Variants in PLAAT5 observed in about 807,000 individuals in gnomAD.
The protein encoded by PLAAT5 is Ca(2+)-independent N-acyltransferase.
Under a neutral mutation model 27.8 loss-of-function variants are expected in PLAAT5, and 27 were observed. That is an observed-to-expected ratio of 0.97 (90% CI 0.72 to 1.34). The LOEUF (loss-of-function observed/expected upper bound fraction) is 1.34. Ranked by LOEUF, PLAAT5 falls within the 40% of genes most tolerant of loss-of-function variation. The pLI is 0.00. For missense variants in PLAAT5, 368 were observed against 343.8 expected (o/e 1.07, Z -0.56); for synonymous variants, 125 against 136.1 (o/e 0.92, Z 0.57).
rs201212349 is a variant in PLAAT5, at chr11:63,468,357, T to C, written c.454A>G (p.Ser152Gly). 1.8e-5 allele frequency: 29 copies of C among 1,606,688 alleles called. No individual in the cohort carries two copies. Among genetic ancestry groups the C allele is most frequent in the Non-Finnish European group, 2.2e-5 (26 of 1,173,440 alleles). ...DDCVVHLAPP[S>G]EEFEVGSITS... The stretch of plus-strand genomic sequence containing the variant: ...ATTTCAATAGACTATTCACTCTTAC[T>C]TGGGGGAGCCAGATGGACCACGCAA... The change falls in exon 4 of 6, where the codon AGT becomes GGT. Residue 152 changes from serine to glycine, a missense_variant and splice_region_variant. Transcript: ENST00000540857.
Position 63,490,229 on chromosome 11 carries a change from T to A in PLAAT5, c.239+14A>T. 2 of 1,614,144 alleles carry A rather than the reference T, an allele frequency of 1.2e-6. No homozygotes were observed. The highest frequency in any genetic ancestry group is 1.7e-6 in the Non-Finnish European group (2 of 1,179,980). On this transcript the variant is annotated intron_variant, in intron 2 of 5. Coordinates refer to ENST00000540857, the MANE Select transcript of PLAAT5 (RefSeq NM_001146729.2). ...TTCTTCCACCCAAAGACCCCAACCT[T>A]ACAATCTTCTTACCCTTGCTGGATG...
Position 63,466,334 on chromosome 11 carries a change from T to C in PLAAT5, c.493A>G (p.Ser165Gly), listed in dbSNP as rs1215678277. Reference sequence around the variant, plus strand: ...CTGTATTTCACCACGGCCCGATTGCTAAAGATGGAAGTAATGCTGCCCACC... The same window carrying C: ...CTGTATTTCACCACGGCCCGATTGCCAAAGATGGAAGTAATGCTGCCCACC... ...FEVGSITSIF[S>G]NRAVVKYSRL... The change falls in exon 5 of 6, where the codon AGC becomes GGC. Residue 165 changes from serine to glycine, a missense_variant. Coordinates refer to ENST00000540857, the MANE Select transcript of PLAAT5 (RefSeq NM_001146729.2). 6.2e-7 allele frequency: 1 copy of C among 1,614,090 alleles called. No individual in the cohort carries two copies. Among genetic ancestry groups the C allele is most frequent in the South Asian group, 1.1e-5 (1 of 91,074 alleles).
chr11:63,486,731 T>A (rs2016443849), intron 3 of PLAAT5, among the ~76,000 whole-genome samples: 1 of 152,154 alleles, frequency 6.6e-6, no homozygotes, highest in South Asian at 2.1e-4. Context: ...AGGTGATGGA[T>A]GCACTAAAAT....
chr11:63,466,082 G>A, intron 5 of PLAAT5, 28 bp downstream of exon 5: 1 of 1,603,892 alleles, frequency 6.2e-7, no homozygotes, highest in Non-Finnish European at 8.5e-7. Flanking sequence ...TCTGGAAGAA[G>A]CCATCATCAG....
intron 4 of PLAAT5, 67 bp from the exon 5 acceptor site, chr11:63,466,439 C>G (rs1206486178): frequency 2.6e-6 from 4 of 1,513,736 alleles, no homozygotes; most frequent in Admixed American, 3.8e-5. Context: ...CAGTCTAAGA[C>G]TCTGAGTAAG....
chr11:63,486,944 C>T (rs759404946), intron 3 of PLAAT5, among the ~76,000 whole-genome samples: 1 of 152,204 alleles, frequency 6.6e-6, no homozygotes, highest in African/African-American at 2.4e-5. Flanking sequence ...ACCAAAGGCA[C>T]TATTCATAGA....
intron 3 of PLAAT5, among the ~76,000 whole-genome samples, chr11:63,480,624 A>G (rs1357164927): frequency 1.3e-5 from 2 of 152,154 alleles, no homozygotes; most frequent in Non-Finnish European, 2.9e-5. Flanking sequence ...GTGGAGCTTT[A>G]AAAAGTTCAG....
intron 2 of PLAAT5, 92 bp downstream of exon 2, chr11:63,490,151 C>G: frequency 6.4e-7 from 1 of 1,563,736 alleles, no homozygotes; most frequent in Non-Finnish European, 8.8e-7. Flanking sequence ...ACACAAAAAC[C>G]ACCTCTGGGT....
chr11:63,483,825 A>G (rs79161423), intron 3 of PLAAT5, among the ~76,000 whole-genome samples: 4,568 of 114,568 alleles, frequency 0.04, 508 homozygotes, highest in East Asian at 0.17. Flanking sequence ...ATATATATAT[A>G]TATATATATA....
intron 5 of PLAAT5, 66 bp from the exon 6 acceptor site, chr11:63,463,661 C>T (rs1243776107): frequency 7.9e-7 from 1 of 1,260,886 alleles, no homozygotes; most frequent in Admixed American, 1.7e-5. Context: ...CCCCTACCTC[C>T]ACCCCACCAT....
In PLAAT5 at chr11:63,484,260, G is replaced by T. The variant is rs79512667; in HGVS notation, c.345+4611C>A. ...CTTACTGAAACTATTCCAAAAGACA[G>T]AGAAAGGGGGAATGCTCCCTAAATC... On this transcript the variant is annotated intron_variant, in intron 3 of 5. Transcript: ENST00000540857. Among the ~76,000 whole-genome samples the T allele has an allele frequency of 4.7e-3, 713 of 150,402 alleles. 41 individuals are homozygous for T. The East Asian group carries it at 0.12, about 26-fold the overall frequency.
intron 5 of PLAAT5, among the ~76,000 whole-genome samples, chr11:63,465,769 G>A (rs2015844705): frequency 1.3e-5 from 2 of 152,072 alleles, no homozygotes; most frequent in Non-Finnish European, 2.9e-5. Context: ...CAGCCTAGGT[G>A]ACAGAGTGAG....
rs769553042 is a variant in PLAAT5 at position 63,466,147 on chromosome 11, A to C, written c.680T>G (p.Val227Gly). The C allele has an allele frequency of 1.2e-6, 2 of 1,614,024 alleles. No individual in the cohort carries two copies. The highest frequency in any genetic ancestry group is 2.7e-5 in the African/African-American group (2 of 74,926). ...GGGTACGCCATATCTGAGGCCATTGACAAAGTGCTCACAGTTCCCTTCAAT... is the reference window on the plus strand; with the variant it reads ...GGGTACGCCATATCTGAGGCCATTGCCAAAGTGCTCACAGTTCCCTTCAAT... The part of the protein sequence containing the change: ...SLIEGNCEHF[V>G]NGLRYGVPRS... Residue 227 changes from valine (V) to glycine (G), a missense_variant, in exon 5 of 6, where the codon GTC becomes GGC. Val to Gly is a moderately radical substitution (Grantham distance 109). Coordinates refer to ENST00000540857, the MANE Select transcript of PLAAT5 (RefSeq NM_001146729.2).
chr11:63,469,098 A>G (rs940574206), intron 3 of PLAAT5, among the ~76,000 whole-genome samples: 1 of 129,896 alleles, frequency 7.7e-6, no homozygotes, highest in Non-Finnish European at 1.6e-5. Flanking sequence ...AAACTTCTCT[A>G]TTATCGTGTG....
Position 63,461,835 on chromosome 11 carries a change from C to T in PLAAT5, c.*1668G>A, listed in dbSNP as rs1429515800. On this transcript the variant is annotated 3_prime_UTR_variant, in exon 6 of 6. Transcript: ENST00000540857. ...GGGCTCAGGCAAAGGTGGGAGTAGCCAGGGTTTGGCACTTGGGAGACACTC... is the reference window on the plus strand; with the variant it reads ...GGGCTCAGGCAAAGGTGGGAGTAGCTAGGGTTTGGCACTTGGGAGACACTC... 6.6e-6 allele frequency: 1 copy of T among 152,176 alleles called. No individual in the cohort carries two copies. Among genetic ancestry groups the T allele is most frequent in the Admixed American group, 6.5e-5 (1 of 15,278 alleles). 9.4% of individuals were successfully genotyped at this position (152,176 alleles called of 1,614,324 possible). A position where few individuals can be genotyped will look rare whatever the true frequency, so the allele number is the denominator to read the frequency against.
chr11:63,465,647 G>C (rs1000062038), intron 5 of PLAAT5, among the ~76,000 whole-genome samples: 3 of 151,854 alleles, frequency 2.0e-5, no homozygotes, highest in Non-Finnish European at 4.4e-5. Flanking sequence ...AAAATTAACT[G>C]GGTGTGGTGA....
chr11:63,491,152 C>T lies in PLAAT5; in HGVS notation c.-118G>A. 2 of 908,536 alleles carry T rather than the reference C, an allele frequency of 2.2e-6. No homozygotes were observed. Among genetic ancestry groups the T allele is most frequent in the South Asian group, 2.7e-5 (1 of 37,096 alleles). 56.3% of individuals were successfully genotyped at this position (908,536 alleles called of 1,614,324 possible). ...GCGGAAGCTTGGGCACTGGGGGCGG[C>T]TCGGGGAGGAACCGCGGAGGGGAAA... On this transcript the variant is annotated 5_prime_UTR_variant, in exon 1 of 6. Coordinates refer to ENST00000540857, the MANE Select transcript of PLAAT5 (RefSeq NM_001146729.2).
chr11:63,473,710 T>G (rs970848277), intron 3 of PLAAT5, among the ~76,000 whole-genome samples: 71 of 151,632 alleles, frequency 4.7e-4, no homozygotes, highest in African/African-American at 1.5e-3. Context: ...TTTGTTGTTT[T>G]TTTTTTTTTT....
intron 3 of PLAAT5, among the ~76,000 whole-genome samples, chr11:63,484,922 GGTAAATCA>G (rs1293142544): frequency 6.6e-6 from 1 of 152,028 alleles, no homozygotes; most frequent in East Asian, 1.9e-4. Flanking sequence ...TCCTAGAACT[GGTAAATCA>G]ATTTAGCAAA....
Sources: allele counts gnomAD v4.1 joint callset (sites outside exome capture counted in the v4.1 genomes callset), GRCh38; gene constraint gnomAD v4.1.1; transcripts MANE v1.5; gene names NCBI Gene and HGNC (gene_info 2026-07-23, HGNC 2026-07-21).